The following PPFIA2 variants were observed in gnomAD, a reference collection of about 807,000 sequenced individuals.
The protein encoded by PPFIA2 is liprin-alpha-2.
In PPFIA2, 46 loss-of-function variants were observed where a neutral mutation model predicts 175.5. The observed-to-expected ratio is 0.26, with a 90% CI of 0.21 to 0.34. The LOEUF is 0.34. Ranked by LOEUF, PPFIA2 falls within the 10% of genes least tolerant of loss-of-function variation. The pLI is 1.00. For synonymous variants in PPFIA2, 568 were observed against 511.4 expected (o/e 1.11, Z -1.49); for missense variants, 1,179 against 1,506.1 (o/e 0.78, Z 3.60).
intron 3 of PPFIA2, among the ~76,000 whole-genome samples, chr12:81,681,308 A>G (rs2073585705): frequency 6.6e-6 from 1 of 152,044 alleles, no homozygotes; most frequent in Admixed American, 6.6e-5. Context: ...GAAAAACCTA[A>G]GTGGGGTTAT....
rs910405494 is a variant in PPFIA2 at position 81,717,865 on chromosome 12, T to TA, written c.249+36107dup. On this transcript the variant is annotated intron_variant, in intron 3 of 32. Coordinates refer to ENST00000549396, the MANE Select transcript of PPFIA2 (RefSeq NM_003625.5). ...TGGGGAAGAAGGACAAGGCAAAACA[T>TA]AAAAAAAAACCTAAACAAGAATATG... Among the ~76,000 whole-genome samples the TA allele has an allele frequency of 1.7e-4, 26 of 150,234 alleles. 1 individual carries two copies. The highest frequency in any genetic ancestry group is 4.9e-4 in the African/African-American group (20 of 41,044).
chr12:81,414,076 G>A (rs1053534243), intron 7 of PPFIA2, among the ~76,000 whole-genome samples: 3 of 151,500 alleles, frequency 2.0e-5, no homozygotes, highest in Admixed American at 6.6e-5. Context: ...TTACAAATGA[G>A]GCAACTAACA....
chr12:81,412,834 A>G (rs1292332841), intron 7 of PPFIA2, among the ~76,000 whole-genome samples: 3 of 151,984 alleles, frequency 2.0e-5, no homozygotes, highest in Non-Finnish European at 4.4e-5. Context: ...AATGACAATA[A>G]TGAATTGACT....
intron 4 of PPFIA2, among the ~76,000 whole-genome samples, chr12:81,566,529 T>G (rs1433336870): frequency 8.1e-4 from 12 of 14,846 alleles, no homozygotes; most frequent in Admixed American, 2.9e-3. Context: ...AGACTCCAAC[T>G]CAAAAAAAAA....
chr12:81,405,201 T>TA (rs1299343243), intron 8 of PPFIA2, among the ~76,000 whole-genome samples: 2 of 152,140 alleles, frequency 1.3e-5, no homozygotes, highest in Non-Finnish European at 2.9e-5. Flanking sequence ...CATTCCATTA[T>TA]AAAAAATGTA....
chr12:81,672,275 T>A (rs1460485292), intron 4 of PPFIA2, among the ~76,000 whole-genome samples: 21 of 152,054 alleles, frequency 1.4e-4, no homozygotes, highest in Admixed American at 1.4e-3. Context: ...TAGAACATTG[T>A]CACTTTTGAA....
At chr12:81,681,893 G>A (rs111631782) in intron 3 of PPFIA2, among the ~76,000 whole-genome samples, 99 of 152,034 alleles carry the variant, frequency 6.5e-4, no homozygotes, top group Admixed American at 2.5e-3. Flanking sequence ...GTTGACTCTC[G>A]CATCGCATAT....
chr12:81,673,518 T>C (rs1465235804), intron 4 of PPFIA2, among the ~76,000 whole-genome samples: 1 of 152,094 alleles, frequency 6.6e-6, no homozygotes, highest in African/African-American at 2.4e-5. Context: ...TTTTGCACTT[T>C]CAATTTTGAT....
intron 4 of PPFIA2, among the ~76,000 whole-genome samples, chr12:81,585,637 C>A (rs953375080): frequency 6.6e-6 from 1 of 151,806 alleles, no homozygotes; most frequent in East Asian, 1.9e-4. Context: ...TCTTCAGGAA[C>A]AATAACACCC....
At chr12:81,677,739 C>T (rs990835600) in intron 3 of PPFIA2, among the ~76,000 whole-genome samples, 4 of 151,774 alleles carry the variant, frequency 2.6e-5, no homozygotes, top group Non-Finnish European at 5.9e-5. Context: ...GATTTTTAAC[C>T]TTTAATAGGT....
intron 4 of PPFIA2, among the ~76,000 whole-genome samples, chr12:81,590,941 C>T (rs1015538849): frequency 2.0e-5 from 3 of 152,044 alleles, no homozygotes; most frequent in African/African-American, 7.2e-5. Flanking sequence ...AATGTGGAGG[C>T]AACTTTGGAA....
At chr12:81,522,967 T>G (rs1326997576) in intron 4 of PPFIA2, among the ~76,000 whole-genome samples, 1 of 152,202 alleles carries the variant, frequency 6.6e-6, no homozygotes, top group African/African-American at 2.4e-5. Context: ...CCCAGGCTGA[T>G]GGAGGTTCTG....
chr12:81,734,700 T>C (rs1597021706), intron 3 of PPFIA2, among the ~76,000 whole-genome samples: 1 of 151,962 alleles, frequency 6.6e-6, no homozygotes, highest in South Asian at 2.1e-4. Context: ...ATAATTTACA[T>C]ATCACAAAAT....
chr12:81,491,605 T>G (rs547845117), intron 4 of PPFIA2, among the ~76,000 whole-genome samples: 2 of 151,774 alleles, frequency 1.3e-5, no homozygotes, highest in Non-Finnish European at 2.9e-5. Context: ...GATATTGCGC[T>G]CTCTCTCTGT....
chr12:81,479,043 T>G (rs2057854293), intron 4 of PPFIA2, among the ~76,000 whole-genome samples: 1 of 152,164 alleles, frequency 6.6e-6, no homozygotes, highest in African/African-American at 2.4e-5. Context: ...TATTACTGTG[T>G]GGGAGTCTAA....
chr12:81,413,998 C>T (rs1487488291), intron 7 of PPFIA2, among the ~76,000 whole-genome samples: 1 of 151,644 alleles, frequency 6.6e-6, no homozygotes, highest in Non-Finnish European at 1.5e-5. Context: ...TGAAATAAAA[C>T]AATTTACATA....
intron 4 of PPFIA2, among the ~76,000 whole-genome samples, chr12:81,628,700 T>TCCTA (rs1436138896): frequency 6.6e-6 from 1 of 152,204 alleles, no homozygotes; most frequent in African/African-American, 2.4e-5. Context: ...TTTCTATGTG[T>TCCTA]CCTACTTCTA....
chr12:81,293,696 T>G (rs535047269), intron 24 of PPFIA2, among the ~76,000 whole-genome samples: 47 of 151,874 alleles, frequency 3.1e-4, no homozygotes, highest in Non-Finnish European at 5.6e-4. Flanking sequence ...TTGGTGGGAA[T>G]GTAAATTAAT....
chr12:81,679,777 A>C (rs1193832366), intron 3 of PPFIA2, among the ~76,000 whole-genome samples: 4 of 151,950 alleles, frequency 2.6e-5, no homozygotes, highest in Non-Finnish European at 1.5e-5. Flanking sequence ...TCCTACTTGG[A>C]GAGAGGTCCA....
Sources: gnomAD v4.1 joint callset for allele counts (sites outside exome capture counted in the v4.1 genomes callset) on GRCh38, gnomAD v4.1.1 for gene constraint, MANE v1.5 for transcripts, NCBI Gene and HGNC (gene_info 2026-07-23, HGNC 2026-07-21) for gene names.